The following EYS variants were observed in gnomAD, a reference collection of about 807,000 sequenced individuals.
EYS encodes the protein protein eyes shut homolog.
In EYS, 250 loss-of-function variants were observed where a neutral mutation model predicts 282.1. The ratio of observed to expected loss-of-function variants is 0.89; its 90% CI spans 0.80 to 0.98. The LOEUF (loss-of-function observed/expected upper bound fraction) is 0.98, where lower values mean the gene tolerates loss of function less well. Among genes scored for constraint, EYS ranks in the 50% least tolerant of loss-of-function variants. The pLI is 0.00. For missense variants in EYS, 4,016 were observed against 3,709.0 expected (o/e 1.08, Z -2.15); for synonymous variants, 1,355 against 1,282.9 (o/e 1.06, Z -1.20).
intron 35 of EYS, among the ~76,000 whole-genome samples, chr6:63,974,224 C>T (rs765595687): frequency 2.0e-5 from 3 of 151,886 alleles, no homozygotes; most frequent in Admixed American, 1.3e-4. Context: ...ACCATTTTTA[C>T]GCATTTTTTT....
At chr6:63,919,964 G>A (rs796475740) in intron 35 of EYS, among the ~76,000 whole-genome samples, 22 of 152,220 alleles carry the variant, frequency 1.4e-4, no homozygotes, top group African/African-American at 5.1e-4. Context: ...AAATCAAGTT[G>A]TTGTTTGTTT....
At chr6:64,927,862 A>G (rs2150085298) in intron 15 of EYS, among the ~76,000 whole-genome samples, 1 of 152,224 alleles carries the variant, frequency 6.6e-6, no homozygotes, top group East Asian at 1.9e-4. Context: ...AAGATTTCTC[A>G]TGCTGAAAAA....
At chr6:63,967,642 C>T (rs920734355) in intron 35 of EYS, among the ~76,000 whole-genome samples, 32 of 152,266 alleles carry the variant, frequency 2.1e-4, no homozygotes, top group Admixed American at 1.0e-3. Flanking sequence ...TCATTTGGTT[C>T]TGAATCTCAC....
intron 31 of EYS, among the ~76,000 whole-genome samples, chr6:64,200,371 TAATA>T (rs1006482381): frequency 6.6e-6 from 1 of 152,180 alleles, no homozygotes; most frequent in African/African-American, 2.4e-5. Context: ...TCATCAGTTA[TAATA>T]AATGTGTCAC....
At chr6:63,835,368 T>C (rs954718382) in intron 36 of EYS, among the ~76,000 whole-genome samples, 5 of 150,678 alleles carry the variant, frequency 3.3e-5, no homozygotes, top group Non-Finnish European at 1.5e-5. Context: ...CACACACACA[T>C]ACAATGGAAT....
chr6:64,517,244 G>A (rs913186061), intron 26 of EYS, among the ~76,000 whole-genome samples: 1 of 151,722 alleles, frequency 6.6e-6, no homozygotes, highest in Non-Finnish European at 1.5e-5. Context: ...AAGGCACCCA[G>A]ATTTCTAGTG....
intron 19 of EYS, among the ~76,000 whole-genome samples, chr6:64,882,044 G>A (rs1474966997): frequency 6.6e-6 from 1 of 151,722 alleles, no homozygotes; most frequent in African/African-American, 2.4e-5. Flanking sequence ...AGTGATAAAG[G>A]CAATTTTATA....
At chr6:63,856,878 T>C (rs754930207) in intron 36 of EYS, among the ~76,000 whole-genome samples, 5 of 152,164 alleles carry the variant, frequency 3.3e-5, no homozygotes, top group Admixed American at 6.5e-5. Flanking sequence ...CTGGTTTTGT[T>C]TGAGAAGGAG....
At chr6:65,297,664 T>C (rs1179885174) in intron 11 of EYS, among the ~76,000 whole-genome samples, 3 of 152,034 alleles carry the variant, frequency 2.0e-5, no homozygotes, top group East Asian at 3.8e-4. Flanking sequence ...CAGAAGAGTA[T>C]TGAATGCATT....
intron 22 of EYS, among the ~76,000 whole-genome samples, chr6:64,628,427 T>C (rs1582970831): frequency 6.6e-6 from 1 of 152,298 alleles, no homozygotes; most frequent in East Asian, 1.9e-4. Context: ...TTATTTATTT[T>C]TGAGACAGGT....
At chr6:65,260,738 A>G (rs893482515) in intron 12 of EYS, among the ~76,000 whole-genome samples, 3 of 152,062 alleles carry the variant, frequency 2.0e-5, no homozygotes, top group Non-Finnish European at 4.4e-5. Context: ...TTTATGTTGT[A>G]TGTGCTCTAA....
chr6:64,137,796 CT>C (rs1364680601), intron 31 of EYS, among the ~76,000 whole-genome samples: 5 of 152,066 alleles, frequency 3.3e-5, no homozygotes, highest in Non-Finnish European at 5.9e-5. Flanking sequence ...TATACTAATA[CT>C]GGTAAAGTTT....
chr6:63,778,334 G>T (rs906824893), intron 39 of EYS, 154 bp from the exon 40 acceptor site: 27 of 790,254 alleles, frequency 3.4e-5, no homozygotes, highest in African/African-American at 5.3e-5. Context: ...AATGCGCAGA[G>T]AAATTTTTTT....
intron 26 of EYS, among the ~76,000 whole-genome samples, chr6:64,567,279 A>G (rs1450857680): frequency 6.6e-6 from 1 of 152,194 alleles, no homozygotes; most frequent in Non-Finnish European, 1.5e-5. Flanking sequence ...TAAAGTCAAC[A>G]CATGATTCAA....
chr6:64,647,715 GA>G (rs1055046741), intron 22 of EYS, among the ~76,000 whole-genome samples: 13 of 151,438 alleles, frequency 8.6e-5, no homozygotes, highest in South Asian at 6.3e-4. Context: ...GTTAAATAAA[GA>G]AAAAAAACGC....
At chr6:65,488,274 G>A (rs1446161128) in intron 5 of EYS, among the ~76,000 whole-genome samples, 2 of 151,862 alleles carry the variant, frequency 1.3e-5, no homozygotes, top group African/African-American at 2.4e-5. Context: ...TTAGGATGTC[G>A]ATTTTAGATC....
intron 21 of EYS, chr6:64,815,348 CT>C (rs1472541974): frequency 7.0e-6 from 2 of 287,650 alleles, no homozygotes; most frequent in South Asian, 2.8e-5. Flanking sequence ...TGTTTCTCCC[CT>C]AACTCTGTTT....
chr6:63,782,078 C>A (rs1770243399), intron 39 of EYS, among the ~76,000 whole-genome samples: 1 of 152,178 alleles, frequency 6.6e-6, no homozygotes, highest in African/African-American at 2.4e-5. Context: ...GTTGAACTAG[C>A]CTTGCATCCC....
intron 12 of EYS, among the ~76,000 whole-genome samples, chr6:65,074,727 A>T (rs1290616592): frequency 6.6e-6 from 1 of 151,996 alleles, no homozygotes; most frequent in Non-Finnish European, 1.5e-5. Flanking sequence ...GGGGCCAAGT[A>T]ACATTTTGAA....
Sources: gnomAD v4.1 joint callset for allele counts (sites outside exome capture counted in the v4.1 genomes callset) on GRCh38, gnomAD v4.1.1 for gene constraint, MANE v1.5 for transcripts, NCBI Gene and HGNC (gene_info 2026-07-23, HGNC 2026-07-21) for gene names.